The following PAH variants were observed in gnomAD, a reference collection of about 807,000 sequenced individuals.
PAH encodes the protein phenylalanine hydroxylase, also known as phenylalanine-4-hydroxylase.
Under a neutral mutation model 62.0 loss-of-function variants are expected in PAH, and 64 were observed. That is an observed-to-expected ratio of 1.03 (90% CI 0.84 to 1.27). The LOEUF (loss-of-function observed/expected upper bound fraction) is 1.27. Ranked by LOEUF, PAH falls within the 50% of genes most tolerant of loss-of-function variation. The pLI, the probability that PAH is intolerant of heterozygous loss-of-function variation, is 0.00. For missense variants in PAH, 579 were observed against 542.8 expected, an observed-to-expected ratio of 1.07 and a Z score of -0.66; for synonymous variants, 195 against 196.2, an observed-to-expected ratio of 0.99 and a Z score of 0.05.
rs1386283522 is a variant in PAH, at chr12:102,837,963, C to G, written c.*1212G>C. The G allele has an allele frequency of 6.6e-6, 1 of 152,204 alleles. No homozygotes were observed. Among genetic ancestry groups the G allele is most frequent in the African/African-American group, 2.4e-5 (1 of 41,438 alleles). The allele number at this position is 152,204 out of a possible 1,614,324, so 9.4% of individuals were successfully genotyped here. A position where few individuals can be genotyped will look rare whatever the true frequency, so the allele number is the denominator to read the frequency against. ...TACCCAGAATTTGCTGTTGATGATA[C>G]TACAGCTGTTCTGAGAACTAAACTC... On this transcript the variant is annotated 3_prime_UTR_variant, in exon 13 of 13. Transcript: ENST00000553106.
At chr12:102,852,279 T>C (rs1875184479) in intron 7 of PAH, 1 of 195,950 alleles carries the variant, frequency 5.1e-6, no homozygotes, top group South Asian at 1.0e-4. Flanking sequence ...CAGGTCTTTT[T>C]GGATTTGTAG....
chr12:102,935,338 A>T (rs1006864760), intron 1 of PAH, among the ~76,000 whole-genome samples: 2 of 152,074 alleles, frequency 1.3e-5, no homozygotes, highest in African/African-American at 4.8e-5. Context: ...TTCTTTAGGA[A>T]TACTGGCCTG....
intron 4 of PAH, among the ~76,000 whole-genome samples, chr12:102,867,868 GATGTATATATACATGTATATACA>G (rs1876051413): frequency 1.8e-5 from 2 of 109,952 alleles, no homozygotes; most frequent in Non-Finnish European, 3.9e-5. Context: ...TACATATATA[GATGTATATATACATGTATATACA>G]TATATAGATG....
chr12:102,915,959 A>G (rs1176659930), intron 1 of PAH, among the ~76,000 whole-genome samples: 1 of 152,082 alleles, frequency 6.6e-6, no homozygotes, highest in Non-Finnish European at 1.5e-5. Context: ...TTAAACCCCT[A>G]TGCTTTCCTG....
At position 102,859,784 on chromosome 12, in the gene PAH, T is replaced by C. The variant is rs560337210; in HGVS notation, c.510-4452A>G. ...GACAAAATTCAACAGCCTTTCATGC[T>C]AAAAACTCTCAATAAATTAGGTATT... On this transcript the variant is annotated intron_variant, in intron 5 of 12. Transcript: ENST00000553106. Among the ~76,000 whole-genome samples the C allele has an allele frequency of 3.3e-4, 51 of 152,324 alleles. 2 individuals carry two copies. The South Asian group carries it at 4.3e-3, about 13-fold the overall frequency.
chr12:102,875,434 C>T (rs147480012), intron 4 of PAH, among the ~76,000 whole-genome samples: 59 of 152,302 alleles, frequency 3.9e-4, no homozygotes, highest in Non-Finnish European at 6.8e-4. Context: ...AGGAGAATAA[C>T]GCCCTGCTGG....
At chr12:102,841,573 C>T (rs1205689042) in intron 11 of PAH, among the ~76,000 whole-genome samples, 1 of 152,146 alleles carries the variant, frequency 6.6e-6, no homozygotes, top group African/African-American at 2.4e-5. Flanking sequence ...GCAGCAAATG[C>T]TGTTATACTA....
intron 2 of PAH, among the ~76,000 whole-genome samples, chr12:102,896,141 T>G (rs1877493849): frequency 6.6e-6 from 1 of 152,084 alleles, no homozygotes; most frequent in Non-Finnish European, 1.5e-5. Flanking sequence ...TGGGCATTCC[T>G]GAGACAGGGT....
rs775532941 is a variant in PAH at position 102,838,808 on chromosome 12, T to C, written c.*367A>G. 3.5e-5 allele frequency: 8 copies of C among 226,190 alleles called. No individual in the cohort carries two copies. The highest frequency in any genetic ancestry group is 6.1e-5 in the Non-Finnish European group (7 of 114,060). The allele number at this position is 226,190 out of a possible 1,614,324, so 14.0% of individuals were successfully genotyped here. A position where few individuals can be genotyped will look rare whatever the true frequency, so the allele number is the denominator to read the frequency against. ...TCTAATGACAGTCTTGTGTTTTACA[T>C]TTAGCCTTATATGCTCCTTTATGAG... On this transcript the variant is annotated 3_prime_UTR_variant, in exon 13 of 13. Transcript: ENST00000553106.
chr12:102,855,105 T>G, intron 6 of PAH, 31 bp downstream of exon 6: 1 of 1,573,296 alleles, frequency 6.4e-7, no homozygotes, highest in South Asian at 1.1e-5. Flanking sequence ...CCCAACTTTC[T>G]GCAGGGCCAT....
intron 1 of PAH, among the ~76,000 whole-genome samples, chr12:102,935,092 G>GT (rs1879051655): frequency 6.6e-6 from 1 of 152,018 alleles, no homozygotes; most frequent in South Asian, 2.1e-4. Flanking sequence ...TTTTTTGAGA[G>GT]TTTTTATCAT....
chr12:102,905,530 T>C (rs922894139), intron 2 of PAH, among the ~76,000 whole-genome samples: 11 of 152,150 alleles, frequency 7.2e-5, no homozygotes, highest in African/African-American at 2.4e-4. Flanking sequence ...TTTTCTCTGA[T>C]TAAAAAAAAT....
chr12:102,846,374 C>T lies in PAH; in HGVS notation c.969+521G>A, dbSNP rs73387574. Among the ~76,000 whole-genome samples the T allele has an allele frequency of 6.2e-3, 942 of 152,148 alleles. 10 individuals carry two copies. Among genetic ancestry groups the T allele is most frequent in the African/African-American group, 0.02 (822 of 41,528 alleles). ...GGGTGGGATGTACTAAAATTAGAAA[C>T]GAGTATGAAGGAAGGAAATCACCTG... On this transcript the variant is annotated intron_variant, in intron 9 of 12. Coordinates refer to ENST00000553106, the MANE Select transcript of PAH (RefSeq NM_000277.3).
intron 8 of PAH, among the ~76,000 whole-genome samples, chr12:102,848,335 A>G (rs1874968918): frequency 1.1e-5 from 1 of 89,214 alleles, no homozygotes; most frequent in Non-Finnish European, 2.1e-5. Context: ...TGGAGGGTAG[A>G]CAGGATACCA....
At chr12:102,940,023 T>C (rs1015101959) in intron 1 of PAH, among the ~76,000 whole-genome samples, 31 of 152,246 alleles carry the variant, frequency 2.0e-4, no homozygotes, top group African/African-American at 7.0e-4. Flanking sequence ...ATGGCCCTTA[T>C]GTTTAAGTGC....
At chr12:102,908,313 T>C (rs1445029883) in intron 2 of PAH, among the ~76,000 whole-genome samples, 4 of 152,170 alleles carry the variant, frequency 2.6e-5, no homozygotes, top group Non-Finnish European at 5.9e-5. Flanking sequence ...GTTTATTTAT[T>C]AGGTTGAAAA....
intron 1 of PAH, among the ~76,000 whole-genome samples, chr12:102,930,044 T>C (rs1878805731): frequency 6.6e-6 from 1 of 152,238 alleles, no homozygotes; most frequent in Non-Finnish European, 1.5e-5. Flanking sequence ...TCTATTTGTA[T>C]TTTACATTTT....
At chr12:102,937,494 G>A (rs2136757336) in intron 1 of PAH, among the ~76,000 whole-genome samples, 1 of 152,162 alleles carries the variant, frequency 6.6e-6, no homozygotes, top group Non-Finnish European at 1.5e-5. Context: ...TTAATCCGAT[G>A]ACAACTTAAC....
chr12:102,842,618 G>A (rs1438664538), intron 11 of PAH, among the ~76,000 whole-genome samples: 1 of 152,060 alleles, frequency 6.6e-6, no homozygotes, highest in Non-Finnish European at 1.5e-5. Context: ...GAGGGGTCTG[G>A]GGGGGATGGA....
Sources: allele counts gnomAD v4.1 joint callset (sites outside exome capture counted in the v4.1 genomes callset), GRCh38; gene constraint gnomAD v4.1.1; transcripts MANE v1.5; gene names NCBI Gene and HGNC (gene_info 2026-07-23, HGNC 2026-07-21).